PHC2: variants seen among roughly 807,000 people sequenced by gnomAD.
PHC2 encodes polyhomeotic-like protein 2.
A neutral mutation model predicts 87.4 loss-of-function variants in PHC2; 29 were observed. The ratio of observed to expected loss-of-function variants is 0.33; its 90% CI spans 0.25 to 0.45. PHC2 has a LOEUF of 0.45. Ranked by LOEUF, PHC2 falls within the 20% of genes least tolerant of loss-of-function variation. The pLI is 1.00. For synonymous variants in PHC2, 438 were observed against 461.7 expected (o/e 0.95, Z 0.66); for missense variants, 857 against 1,136.7 (o/e 0.75, Z 3.54).
At chr1:33,351,370 T>C (rs1411383195) in intron 9 of PHC2, among the ~76,000 whole-genome samples, 1 of 152,250 alleles carries the variant, frequency 6.6e-6, no homozygotes, top group Non-Finnish European at 1.5e-5. Flanking sequence ...GTTTTGGCCA[T>C]TGGGCTGTAG....
chr1:33,357,005 T>C (rs1443033233), intron 7 of PHC2, among the ~76,000 whole-genome samples: 1 of 152,126 alleles, frequency 6.6e-6, no homozygotes, highest in Non-Finnish European at 1.5e-5. Context: ...TTGTTTGGAG[T>C]AGGGATTCAG....
chr1:33,420,098 G>A (rs1439683927), intron 1 of PHC2, among the ~76,000 whole-genome samples: 2 of 152,180 alleles, frequency 1.3e-5, no homozygotes, highest in African/African-American at 4.8e-5. Flanking sequence ...TTTATCACTA[G>A]GGAAGGCTGA....
At chr1:33,414,237 A>T (rs56059209) in intron 1 of PHC2, among the ~76,000 whole-genome samples, 3 of 151,040 alleles carry the variant, frequency 2.0e-5, no homozygotes, top group Non-Finnish European at 4.4e-5. Context: ...TTAACAGTTG[A>T]GGTTGATTTA....
rs939357077 is a variant in PHC2 at position 33,372,320 on chromosome 1, G to A, written c.302C>T (p.Ala101Val). 1.3e-6 allele frequency: 2 copies of A among 1,594,228 alleles called. No individual in the cohort carries two copies. The highest frequency in any genetic ancestry group is 1.7e-6 in the Non-Finnish European group (2 of 1,167,358). ...TACGGCTGCCAGGCTCTGGAGCTGGGCGCTGCTGAGGTGCTGCTGCTGGAG... is the reference window on the plus strand; with the variant it reads ...TACGGCTGCCAGGCTCTGGAGCTGGACGCTGCTGAGGTGCTGCTGCTGGAG... ...AALQQQHLSS[A>V]QLQSLAAVQQ... Residue 101 changes from alanine (A) to valine (V), a missense_variant, in exon 3 of 15, where the codon GCC becomes GTC. Coordinates refer to ENST00000683057, the MANE Select transcript of PHC2 (RefSeq NM_001385109.1).
chr1:33,388,103 G>C (rs540175509), intron 1 of PHC2, among the ~76,000 whole-genome samples: 1 of 152,212 alleles, frequency 6.6e-6, no homozygotes, highest in African/African-American at 2.4e-5. Flanking sequence ...CCACAGGAGA[G>C]AGGGGATAGA....
chr1:33,389,990 T>C (rs1455800823), intron 1 of PHC2, among the ~76,000 whole-genome samples: 1 of 152,182 alleles, frequency 6.6e-6, no homozygotes, highest in Non-Finnish European at 1.5e-5. Flanking sequence ...AATTAAAGTA[T>C]GCAGAACTAG....
intron 1 of PHC2, among the ~76,000 whole-genome samples, chr1:33,406,070 C>T (rs1009020041): frequency 1.2e-4 from 18 of 152,116 alleles, no homozygotes; most frequent in African/African-American, 3.6e-4. Context: ...CTTTTTATAT[C>T]AAATGCTGAG....
intron 7 of PHC2, among the ~76,000 whole-genome samples, chr1:33,361,623 G>A (rs772747337): frequency 3.3e-5 from 5 of 152,212 alleles, no homozygotes; most frequent in African/African-American, 9.6e-5. Flanking sequence ...GATTACAGGC[G>A]TGAGCCATCG....
intron 12 of PHC2, among the ~76,000 whole-genome samples, chr1:33,330,861 G>C (rs1439879562): frequency 1.3e-5 from 2 of 152,222 alleles, no homozygotes; most frequent in African/African-American, 4.8e-5. Flanking sequence ...GGGGACAATA[G>C]TAATACCTGT....
intron 14 of PHC2, chr1:33,325,994 T>G: frequency 2.5e-6 from 1 of 406,452 alleles, no homozygotes. Context: ...TTAGTGGAGA[T>G]TGGAAGAAAC....
chr1:33,349,613 TGGGCCTGGCCGGGCG>T lies in PHC2; in HGVS notation c.1558+4773_1558+4787del. On this transcript the variant is annotated intron_variant, in intron 9 of 14. Coordinates refer to ENST00000683057, the MANE Select transcript of PHC2 (RefSeq NM_001385109.1). This position sits in a 1 kb window ranked among gnomAD's most constrained non-coding sequence, Gnocchi z 4.2. ...GGCACTGACCTGTCCAGGGCCCGGC[TGGGCCTGGCCGGGCG>T]GGGCCTACGCAGCCCCTCGGCCGGG... 3.1e-6 allele frequency: 3 copies of T among 983,502 alleles called. No individual in the cohort carries two copies. Among genetic ancestry groups the T allele is most frequent in the Non-Finnish European group, 3.6e-6 (3 of 829,236 alleles). 60.9% of individuals were successfully genotyped at this position (983,502 alleles called of 1,614,324 possible).
At chr1:33,386,814 C>T (rs1300221744) in intron 1 of PHC2, among the ~76,000 whole-genome samples, 1 of 151,984 alleles carries the variant, frequency 6.6e-6, no homozygotes, top group African/African-American at 2.4e-5. Context: ...GCACACACAC[C>T]CTGCACACAT....
chr1:33,371,489 C>T (rs1047071293), intron 3 of PHC2, among the ~76,000 whole-genome samples: 6 of 152,080 alleles, frequency 3.9e-5, no homozygotes, highest in East Asian at 3.9e-4. Flanking sequence ...ACCTGGCCAC[C>T]GCCATCACAC....
At chr1:33,413,307 G>A (rs984518240) in intron 1 of PHC2, among the ~76,000 whole-genome samples, 5 of 152,272 alleles carry the variant, frequency 3.3e-5, no homozygotes, top group South Asian at 4.1e-4. Context: ...TCTGTACCAC[G>A]ACAACAGAAA....
intron 9 of PHC2, among the ~76,000 whole-genome samples, chr1:33,344,161 T>C (rs1052344276): frequency 1.3e-5 from 2 of 152,184 alleles, no homozygotes; most frequent in African/African-American, 4.8e-5. Flanking sequence ...AAGAAATTAG[T>C]TTAAAAGGCT....
Position 33,371,052 on chromosome 1 carries a change from T to A in PHC2, c.376A>T (p.Asn126Tyr), listed in dbSNP as rs752545798. ...SNRQGSTSGS[N>Y]VSAQAPAQSS... ...TGGGCCGGGGCCTGCGCAGACACAT[T>A]GCTGCCTGAAGTGCTTCCTTGTCTA... Residue 126 changes from asparagine to tyrosine, a missense_variant, in exon 4 of 15, where the codon AAT becomes TAT. Transcript: ENST00000683057. 4.6e-5 allele frequency: 75 copies of A among 1,613,986 alleles called. No homozygotes were observed. Among genetic ancestry groups the A allele is most frequent in the Middle Eastern group, 1.6e-4 (1 of 6,084 alleles).
Position 33,355,137 on chromosome 1 carries a change from G to T in PHC2, c.1093C>A (p.Gln365Lys), listed in dbSNP as rs1647046635. The change falls in exon 8 of 15, where the codon CAG (glutamine) becomes AAG (lysine). Residue 365 changes from glutamine (Q) to lysine (K), a missense_variant. Physicochemically the swap from Gln to Lys is moderately conservative, Grantham distance 53. This residue lies in a region of PHC2 where 832 missense variants were observed against 1,081.8 expected (regional missense o/e 0.77). Coordinates refer to ENST00000683057, the MANE Select transcript of PHC2 (RefSeq NM_001385109.1). ...TCAGCTTGGAGCACAGGCCGTGACT[G>T]CTGGGGCGGCGGCTGCTGCTGTTGT... is the stretch of plus-strand genomic sequence containing the variant. ...QPQQQQPPPQ[Q>K]SRPVLQAEPH... 6.2e-7 allele frequency: 1 copy of T among 1,611,424 alleles called. No homozygotes were observed. Among genetic ancestry groups the T allele is most frequent in the East Asian group, 2.2e-5 (1 of 44,836 alleles).
chr1:33,347,862 A>G (rs932641876), intron 9 of PHC2: 1 of 330,070 alleles, frequency 3.0e-6, no homozygotes, highest in African/African-American at 2.2e-5. Flanking sequence ...GAGTGAGCCA[A>G]GCCAGAGGCC....
At chr1:33,345,743 T>G (rs945645838) in intron 9 of PHC2, 25 of 984,694 alleles carry the variant, frequency 2.5e-5, no homozygotes, top group Non-Finnish European at 2.9e-5. Flanking sequence ...GTAATAATTA[T>G]GTCTTGGATA....
Sources: gnomAD v4.1 joint callset for allele counts (sites outside exome capture counted in the v4.1 genomes callset) on GRCh38, gnomAD v4.1.1 for gene constraint, gnomAD v4.1.1 regional missense constraint, Gnocchi (gnomAD v3.1) non-coding constraint, MANE v1.5 for transcripts, NCBI Gene and HGNC (gene_info 2026-07-23, HGNC 2026-07-21) for gene names.